The following TERB1 variants were observed in gnomAD, a reference collection of about 807,000 sequenced individuals.
TERB1 encodes the protein telomere repeats-binding bouquet formation protein 1.
TERB1 carries 63 observed loss-of-function variants against 92.3 expected under a neutral mutation model. The observed-to-expected ratio is 0.68, with a 90% CI of 0.56 to 0.84. The LOEUF (loss-of-function observed/expected upper bound fraction) is 0.84, where lower values mean the gene tolerates loss of function less well. Ranked by LOEUF, TERB1 falls within the 40% of genes least tolerant of loss-of-function variation. The probability of loss-of-function intolerance (pLI) is 0.00; values close to 1 mark genes in which losing one functional copy is unlikely to be tolerated. For synonymous variants in TERB1, 252 were observed against 283.9 expected (o/e 0.89, Z 1.13); for missense variants, 709 against 843.7 (o/e 0.84, Z 1.98).
Position 66,754,725 on chromosome 16 carries a change from AT to A in TERB1, c.*250del, listed in dbSNP as rs2018107636. Reference sequence around the variant, plus strand: ...CTGTGTCCTTTAAGCTTAAGGAAAAATAAAAGCATATTCCTAAACAAATGTT... The same window carrying A: ...CTGTGTCCTTTAAGCTTAAGGAAAAAAAAAGCATATTCCTAAACAAATGTT... On this transcript the variant is annotated 3_prime_UTR_variant, in exon 19 of 19. Coordinates refer to ENST00000433154, the MANE Select transcript of TERB1 (RefSeq NM_001136505.2). 1 of 422,662 alleles carries A rather than the reference AT, an allele frequency of 2.4e-6. No individual in the cohort carries two copies. Among genetic ancestry groups the A allele is most frequent in the Non-Finnish European group, 4.2e-6 (1 of 240,936 alleles). 26.2% of individuals were successfully genotyped at this position (422,662 alleles called of 1,614,324 possible).
At chr16:66,760,893 C>T (rs2145062991) in intron 16 of TERB1, among the ~76,000 whole-genome samples, 1 of 143,962 alleles carries the variant, frequency 6.9e-6, no homozygotes, top group South Asian at 2.2e-4. Flanking sequence ...GCGGGCTGAT[C>T]ACAAGGTCAG....
chr16:66,777,415 T>C, intron 10 of TERB1, 81 bp from the exon 11 acceptor site: 1 of 832,386 alleles, frequency 1.2e-6, no homozygotes. Context: ...TTTCAGAGTT[T>C]ATTCAGGCAG....
chr16:66,758,757 A>G lies in TERB1; in HGVS notation c.1996+16T>C. ...CCCTGTCTCAAGAAAAAAAAAATTA[A>G]ATTAAATATATTCACTTATTCCTCC... On this transcript the variant is annotated intron_variant, in intron 18 of 18. Coordinates refer to ENST00000433154, the MANE Select transcript of TERB1 (RefSeq NM_001136505.2). 1 of 1,476,050 alleles carries G rather than the reference A, an allele frequency of 6.8e-7. No homozygotes were observed. The highest frequency in any genetic ancestry group is 9.3e-7 in the Non-Finnish European group (1 of 1,080,718). 91.4% of individuals were successfully genotyped at this position (1,476,050 alleles called of 1,614,324 possible).
At chr16:66,772,801 A>C (rs893166578) in intron 12 of TERB1, 52 bp from the exon 13 acceptor site, 25 of 1,376,500 alleles carry the variant, frequency 1.8e-5, no homozygotes, top group South Asian at 2.8e-5. Context: ...AACACTTTAT[A>C]TATAAGGACA....
chr16:66,780,010 T>A (rs894664696), intron 9 of TERB1, among the ~76,000 whole-genome samples: 1 of 152,246 alleles, frequency 6.6e-6, no homozygotes, highest in African/African-American at 2.4e-5. Context: ...ACTACAGGCG[T>A]GCACCACCAT....
chr16:66,758,343 T>C (rs2018171348), intron 18 of TERB1: 1 of 167,414 alleles, frequency 6.0e-6, no homozygotes, highest in Admixed American at 6.1e-5. Flanking sequence ...CTGACCCTCA[T>C]CAGAGGCAAG....
rs1038019470 is a variant in TERB1 at position 66,768,297 on chromosome 16, C to T, written c.1620-129G>A. 8.9e-6 allele frequency: 6 copies of T among 672,702 alleles called. No individual in the cohort carries two copies. The Admixed American group carries it at 1.1e-4, about 13-fold the overall frequency. The allele number at this position is 672,702 out of a possible 1,614,324, so 41.7% of individuals were successfully genotyped here. ...AAAGCAACCTGGAATCACGATCTAC[C>T]ACAATCTACCAAATTCTGCCAACGT... On this transcript the variant is annotated intron_variant, in intron 14 of 18. Transcript: ENST00000433154.
Position 66,755,470 on chromosome 16 carries a change from G to A in TERB1, c.1997-307C>T, listed in dbSNP as rs183981542. Among the ~76,000 whole-genome samples the A allele has an allele frequency of 3.6e-4, 55 of 152,282 alleles. No individual in the cohort carries two copies. The East Asian group carries it at 6.9e-3, about 19-fold the overall frequency. ...GATTGTTAATTCAACATTCCTGTGA[G>A]GACAGTTAACAAACATCTTACCGGC... On this transcript the variant is annotated intron_variant, in intron 18 of 18. Coordinates refer to ENST00000433154, the MANE Select transcript of TERB1 (RefSeq NM_001136505.2).
intron 10 of TERB1, among the ~76,000 whole-genome samples, chr16:66,777,741 AG>A (rs1489133387): frequency 6.6e-6 from 1 of 152,200 alleles, no homozygotes; most frequent in Non-Finnish European, 1.5e-5. Context: ...CTACATAATC[AG>A]TTCCTGCTGT....
In TERB1 at chr16:66,763,031, T is replaced by A. The variant is rs1019527136; in HGVS notation, c.1781-3741A>T. Among the ~76,000 whole-genome samples, 4 of 152,104 alleles carry A rather than the reference T, an allele frequency of 2.6e-5. No homozygotes were observed. The South Asian group carries it at 8.3e-4, about 32-fold the overall frequency. On this transcript the variant is annotated intron_variant, in intron 16 of 18. Coordinates refer to ENST00000433154, the MANE Select transcript of TERB1 (RefSeq NM_001136505.2). ...ATAAAACTATTATGACACCTAAAAA[T>A]TCATGCTTAATATAATCTAACATCT...
intron 16 of TERB1, among the ~76,000 whole-genome samples, chr16:66,766,978 C>T (rs922227304): frequency 1.3e-5 from 2 of 152,078 alleles, no homozygotes; most frequent in African/African-American, 4.8e-5. Flanking sequence ...TGATATTCCA[C>T]AGTATTATTT....
At chr16:66,758,240 A>T (rs2018169439) in intron 18 of TERB1, 1 of 153,650 alleles carries the variant, frequency 6.5e-6, no homozygotes, top group Admixed American at 6.5e-5. Flanking sequence ...GTGCTTAATA[A>T]ATGTTAGTTT....
chr16:66,767,660 T>C, intron 15 of TERB1, 150 bp from the exon 16 acceptor site: 1 of 562,264 alleles, frequency 1.8e-6, no homozygotes, highest in Non-Finnish European at 3.2e-6. Flanking sequence ...TTCTGGATCT[T>C]AATGGAAGGC....
At chr16:66,790,784 A>C (rs1480449633) in intron 4 of TERB1, 61 bp from the exon 5 acceptor site, 2 of 1,514,618 alleles carry the variant, frequency 1.3e-6, no homozygotes, top group African/African-American at 2.8e-5. Context: ...GGATAAAATA[A>C]ATCACATGAA....
Position 66,786,093 on chromosome 16 carries a change from A to G in TERB1, c.498T>C (p.Asp166=). The G allele has an allele frequency of 2.6e-6, 4 of 1,551,500 alleles. No homozygotes were observed. Among genetic ancestry groups the G allele is most frequent in the Non-Finnish European group, 3.5e-6 (4 of 1,146,810 alleles). The change falls in exon 8 of 19, where the codon GAT becomes GAC. Residue 166 remains aspartate, a synonymous_variant. Transcript: ENST00000433154. ...ACTGATAACTCTGGAAAACATTTTT[A>G]TCTGACAAATCCAACTCATGTTTTG... ...VISKHELDLS[D]KNVFQSYQLW...
chr16:66,758,889 T>C (rs1003364336), intron 17 of TERB1, 51 bp from the exon 18 acceptor site: 25 of 1,171,454 alleles, frequency 2.1e-5, no homozygotes, highest in Admixed American at 2.1e-4. Flanking sequence ...ATCTGAGTAA[T>C]AGCATATCAA....
chr16:66,799,090 A>G (rs749319142), intron 2 of TERB1, among the ~76,000 whole-genome samples: 16 of 152,258 alleles, frequency 1.1e-4, no homozygotes, highest in Non-Finnish European at 2.1e-4. Flanking sequence ...ATTTAAAAAG[A>G]TGAACTCTTT....
At chr16:66,786,356 A>AC in intron 6 of TERB1, 71 bp from the exon 7 acceptor site, 1 of 1,068,392 alleles carries the variant, frequency 9.4e-7, no homozygotes, top group Non-Finnish European at 1.4e-6. Context: ...AGAACAGTTA[A>AC]GTTTTATTTT....
chr16:66,756,173 C>T (rs9925857), intron 18 of TERB1, among the ~76,000 whole-genome samples: 76,920 of 152,076 alleles, frequency 0.51, 20,344 homozygotes, highest in African/African-American at 0.64. Flanking sequence ...GAGAAGTTTT[C>T]TGTATTTCCA....
Sources: gnomAD v4.1 joint callset for allele counts (sites outside exome capture counted in the v4.1 genomes callset) on GRCh38, gnomAD v4.1.1 for gene constraint, MANE v1.5 for transcripts, NCBI Gene and HGNC (gene_info 2026-07-23, HGNC 2026-07-21) for gene names.